Variants in KCNIP4 observed in about 807,000 individuals in gnomAD.
The protein encoded by KCNIP4 is Kv channel-interacting protein 4.
A neutral mutation model predicts 34.0 loss-of-function variants in KCNIP4; 12 were observed. That is an observed-to-expected ratio of 0.35 (90% CI 0.23 to 0.57). The LOEUF (loss-of-function observed/expected upper bound fraction) is 0.57, where lower values mean the gene tolerates loss of function less well. Ranked by LOEUF, KCNIP4 falls within the 20% of genes least tolerant of loss-of-function variation. The pLI is 0.83. For missense variants in KCNIP4, 238 were observed against 311.7 expected (o/e 0.76, Z 1.78); for synonymous variants, 124 against 102.2 (o/e 1.21, Z -1.29).
chr4:20,850,662 C>T lies in KCNIP4; in HGVS notation c.169G>A (p.Val57Met), dbSNP rs756139264. 134 of 1,611,788 alleles carry T rather than the reference C, an allele frequency of 8.3e-5. No homozygotes were observed. The highest frequency in any genetic ancestry group is 3.9e-4 in the Middle Eastern group (2 of 5,106). ...KTSSPAIQNS[V>M]EDELEMATVR... ...GTGGCCATCTCCAGTTCATCTTCCA[C>T]GCTGTCTGTGGAGGAAAACAAGAAA... is the stretch of plus-strand genomic sequence containing the variant. The change falls in exon 3 of 9, where the codon GTG becomes ATG. Residue 57 changes from valine to methionine, a missense_variant. Physicochemically the swap from Val to Met is conservative, Grantham distance 21 (BLOSUM62 1). Coordinates refer to ENST00000382152, the MANE Select transcript of KCNIP4 (RefSeq NM_025221.6).
chr4:21,272,453 T>A (rs1199328911), intron 1 of KCNIP4, among the ~76,000 whole-genome samples: 2 of 152,172 alleles, frequency 1.3e-5, no homozygotes, highest in Non-Finnish European at 2.9e-5. Context: ...GGCAAACTAT[T>A]AGATAGAGTT....
At chr4:21,192,280 A>C (rs6850434) in intron 1 of KCNIP4, among the ~76,000 whole-genome samples, 66,640 of 151,784 alleles carry the variant, frequency 0.44, 16,863 homozygotes, top group African/African-American at 0.71. Flanking sequence ...ATTCTTTTAC[A>C]CTCTTGAGGA....
At position 20,799,141 on chromosome 4, in the gene KCNIP4, C is replaced by G. The variant is rs6822236; in HGVS notation, c.289-40251G>C. On this transcript the variant is annotated intron_variant, in intron 3 of 8. Coordinates refer to ENST00000382152, the MANE Select transcript of KCNIP4 (RefSeq NM_025221.6). ...CTGTGCCCTACTCCCTAGGGCCAAT[C>G]TACTATATAGCTGCTCCATCCTGCC... Among the ~76,000 whole-genome samples, 180 of 152,276 alleles carry G rather than the reference C, an allele frequency of 1.2e-3. 1 individual carries two copies. The highest frequency in any genetic ancestry group is 4.0e-3 in the African/African-American group (166 of 41,542).
chr4:21,120,173 T>G (rs1211965685), intron 1 of KCNIP4, among the ~76,000 whole-genome samples: 4 of 150,628 alleles, frequency 2.7e-5, no homozygotes, highest in African/African-American at 9.8e-5. Flanking sequence ...TGTCCATTCA[T>G]AAGAGCCTAA....
chr4:21,686,768 C>T (rs1183553243), intron 1 of KCNIP4, among the ~76,000 whole-genome samples: 2 of 152,048 alleles, frequency 1.3e-5, no homozygotes. Context: ...CTGAAGTAGC[C>T]AAGATCAGAA....
intron 1 of KCNIP4, among the ~76,000 whole-genome samples, chr4:21,357,020 A>T (rs1331102634): frequency 5.9e-5 from 9 of 152,184 alleles, no homozygotes; most frequent in African/African-American, 2.2e-4. Context: ...CCACACATCT[A>T]CAATCTATGA....
At chr4:21,279,314 T>C (rs1211623928) in intron 1 of KCNIP4, among the ~76,000 whole-genome samples, 1 of 152,140 alleles carries the variant, frequency 6.6e-6, no homozygotes, top group East Asian at 1.9e-4. Flanking sequence ...ATTTTTCTGT[T>C]ATAGGTGAAG....
At chr4:21,833,558 A>G (rs1413920409) in intron 1 of KCNIP4, among the ~76,000 whole-genome samples, 3 of 152,064 alleles carry the variant, frequency 2.0e-5, no homozygotes, top group Non-Finnish European at 2.9e-5. Context: ...TCACTCTGAT[A>G]GTAGTTTGTT....
intron 1 of KCNIP4, chr4:20,983,869 A>G (rs1318549733): frequency 6.5e-7 from 1 of 1,536,186 alleles, no homozygotes; most frequent in Non-Finnish European, 8.7e-7. Context: ...ATGCACATAT[A>G]ATCACAACAA....
intron 1 of KCNIP4, among the ~76,000 whole-genome samples, chr4:21,017,986 A>T (rs1739705531): frequency 6.6e-6 from 1 of 152,236 alleles, no homozygotes; most frequent in Admixed American, 6.5e-5. Context: ...TTTTTAGTAC[A>T]TTAAAATAAA....
At chr4:20,880,635 C>G (rs1363710626) in intron 2 of KCNIP4, among the ~76,000 whole-genome samples, 5 of 152,098 alleles carry the variant, frequency 3.3e-5, no homozygotes, top group African/African-American at 4.8e-5. Flanking sequence ...TACGTGAATA[C>G]AGAGATCCAT....
intron 1 of KCNIP4, among the ~76,000 whole-genome samples, chr4:21,753,993 G>T (rs926466157): frequency 6.6e-6 from 1 of 152,112 alleles, no homozygotes; most frequent in Admixed American, 6.5e-5. Context: ...GAACCTAACA[G>T]GCATTGTGCA....
intron 1 of KCNIP4, among the ~76,000 whole-genome samples, chr4:21,406,763 C>T (rs1724028711): frequency 6.6e-6 from 1 of 152,064 alleles, no homozygotes; most frequent in Non-Finnish European, 1.5e-5. Context: ...TAAAGATGAG[C>T]AAAGTTAGCC....
chr4:21,762,002 C>T (rs1057046378), intron 1 of KCNIP4, among the ~76,000 whole-genome samples: 1 of 152,010 alleles, frequency 6.6e-6, no homozygotes, highest in Non-Finnish European at 1.5e-5. Context: ...AATCACTATA[C>T]ACTATATTAT....
intron 1 of KCNIP4, among the ~76,000 whole-genome samples, chr4:21,089,788 C>A (rs904340154): frequency 6.6e-6 from 1 of 152,066 alleles, no homozygotes; most frequent in Non-Finnish European, 1.5e-5. Context: ...TATACTTGAA[C>A]CCCCAGCTTC....
intron 3 of KCNIP4, among the ~76,000 whole-genome samples, chr4:20,835,213 C>A (rs1464904436): frequency 6.6e-6 from 1 of 152,152 alleles, no homozygotes; most frequent in African/African-American, 2.4e-5. Context: ...CTTTCCATCT[C>A]TCTGGTTGCT....
chr4:20,973,625 A>C (rs943247327), intron 1 of KCNIP4, among the ~76,000 whole-genome samples: 1 of 152,200 alleles, frequency 6.6e-6, no homozygotes, highest in African/African-American at 2.4e-5. Flanking sequence ...CTTGACTTTC[A>C]TCATGCGTTC....
At chr4:21,879,390 G>A (rs1048508522) in intron 1 of KCNIP4, among the ~76,000 whole-genome samples, 5 of 152,178 alleles carry the variant, frequency 3.3e-5, no homozygotes, top group African/African-American at 9.7e-5. Context: ...GTCAGAGGCC[G>A]CGGACCTGTG....
chr4:20,786,772 T>C (rs1047279481), intron 3 of KCNIP4, among the ~76,000 whole-genome samples: 2 of 152,098 alleles, frequency 1.3e-5, no homozygotes, highest in African/African-American at 2.4e-5. Context: ...AGTGGATGGG[T>C]TGAGAGAAAA....
Sources: gnomAD v4.1 joint callset for allele counts (sites outside exome capture counted in the v4.1 genomes callset) on GRCh38, gnomAD v4.1.1 for gene constraint, MANE v1.5 for transcripts, NCBI Gene and HGNC (gene_info 2026-07-23, HGNC 2026-07-21) for gene names.